The following CTNNA2 variants were observed in gnomAD, a reference collection of about 807,000 sequenced individuals.
CTNNA2 encodes the protein catenin alpha 2, also known as catenin alpha-2.
In CTNNA2, 42 loss-of-function variants were observed where a neutral mutation model predicts 101.0. The ratio of observed to expected loss-of-function variants is 0.42; its 90% CI spans 0.32 to 0.54. The LOEUF (loss-of-function observed/expected upper bound fraction) is 0.54, where lower values mean the gene tolerates loss of function less well. CTNNA2 is among the 20% of genes least tolerant of loss of function. CTNNA2 has a pLI of 0.14. For synonymous variants in CTNNA2, 450 were observed against 456.4 expected (o/e 0.99, Z 0.18); for missense variants, 871 against 1,223.1 (o/e 0.71, Z 4.29).
At chr2:80,171,164 A>G (rs1265788969) in intron 7 of CTNNA2, among the ~76,000 whole-genome samples, 4 of 152,218 alleles carry the variant, frequency 2.6e-5, no homozygotes, top group Non-Finnish European at 4.4e-5. Context: ...GTGCATATAC[A>G]TGGATGGAAT....
chr2:79,792,324 C>G (rs1248000444), intron 3 of CTNNA2, among the ~76,000 whole-genome samples: 2 of 152,180 alleles, frequency 1.3e-5, no homozygotes, highest in African/African-American at 2.4e-5. Flanking sequence ...GAGCAGAGGA[C>G]AGACATGTTT....
At chr2:80,289,082 C>T (rs1675014687) in intron 7 of CTNNA2, 2 of 152,148 alleles carry the variant, frequency 1.3e-5, no homozygotes, top group Admixed American at 1.3e-4. Context: ...GGATTTCTTT[C>T]CCACCTTCTT....
At chr2:80,064,082 GAAAAC>G (rs1048225345) in intron 7 of CTNNA2, among the ~76,000 whole-genome samples, 1 of 152,148 alleles carries the variant, frequency 6.6e-6, no homozygotes. Flanking sequence ...AGAGGGAGAA[GAAAAC>G]AAAACAAAAC....
intron 7 of CTNNA2, among the ~76,000 whole-genome samples, chr2:80,112,562 CTATT>C (rs1701284827): frequency 6.6e-6 from 1 of 152,082 alleles, no homozygotes; most frequent in Non-Finnish European, 1.5e-5. Context: ...CTCTGACAAA[CTATT>C]TAAGCCATCA....
intron 7 of CTNNA2, among the ~76,000 whole-genome samples, chr2:80,064,001 T>A (rs148409898): frequency 2.2e-4 from 34 of 152,260 alleles, no homozygotes; most frequent in African/African-American, 8.2e-4. Context: ...AAGAGAAAGA[T>A]GTTCAGATTA....
At chr2:79,917,391 T>C (rs1686325891) in intron 7 of CTNNA2, among the ~76,000 whole-genome samples, 1 of 152,170 alleles carries the variant, frequency 6.6e-6, no homozygotes, top group African/African-American at 2.4e-5. Context: ...TTAATTGGTA[T>C]TTCTTGCTCA....
intron 2 of CTNNA2, among the ~76,000 whole-genome samples, chr2:79,288,577 C>T (rs926477752): frequency 6.6e-6 from 1 of 152,034 alleles, no homozygotes; most frequent in Admixed American, 6.6e-5. Context: ...TCTCTCTCTC[C>T]CTCTCTCTTT....
chr2:79,659,593 A>G (rs1455363176), intron 2 of CTNNA2, among the ~76,000 whole-genome samples: 2 of 152,186 alleles, frequency 1.3e-5, no homozygotes, highest in Non-Finnish European at 2.9e-5. Flanking sequence ...ATTTCCAAGT[A>G]TATTTTCCCA....
intron 3 of CTNNA2, among the ~76,000 whole-genome samples, chr2:79,811,372 G>T (rs908221396): frequency 6.6e-6 from 1 of 152,132 alleles, no homozygotes; most frequent in African/African-American, 2.4e-5. Flanking sequence ...TTTTGATGGG[G>T]TTGTTTGTTT....
intron 7 of CTNNA2, among the ~76,000 whole-genome samples, chr2:80,323,302 C>A (rs763510068): frequency 6.6e-6 from 1 of 152,172 alleles, no homozygotes; most frequent in Non-Finnish European, 1.5e-5. Flanking sequence ...CGTTTTGAGG[C>A]GGTCTCCCTA....
In CTNNA2 at chr2:80,330,381, C is replaced by T. The variant is rs147340228; in HGVS notation, c.1057-62830C>T. Reference sequence around the variant, plus strand: ...TAACTTGTACTTAGCTAAGAGACTACTTCTAGTGGGAGAGATTAAGCCCTG... The same window carrying T: ...TAACTTGTACTTAGCTAAGAGACTATTTCTAGTGGGAGAGATTAAGCCCTG... On this transcript the variant is annotated intron_variant, in intron 7 of 18. Transcript: ENST00000402739. 2.7e-3 allele frequency among the ~76,000 whole-genome samples: 408 copies of T among 152,280 alleles called. 2 individuals carry two copies. The highest frequency in any genetic ancestry group is 9.2e-3 in the African/African-American group (381 of 41,562).
At chr2:79,292,222 A>AC (rs1675840509) in intron 2 of CTNNA2, among the ~76,000 whole-genome samples, 1 of 152,126 alleles carries the variant, frequency 6.6e-6, no homozygotes, top group Non-Finnish European at 1.5e-5. Flanking sequence ...CATTTCTCCT[A>AC]CCCAAGGAAG....
intron 17 of CTNNA2, among the ~76,000 whole-genome samples, chr2:80,612,572 A>G (rs541018415): frequency 1.5e-4 from 22 of 151,610 alleles, no homozygotes; most frequent in Non-Finnish European, 2.5e-4. Flanking sequence ...TGTGGGATAT[A>G]TTTTGTACAA....
chr2:80,610,226 G>C (rs1698344966), intron 17 of CTNNA2, among the ~76,000 whole-genome samples: 1 of 151,612 alleles, frequency 6.6e-6, no homozygotes, highest in African/African-American at 2.4e-5. Flanking sequence ...ATAGTCTGCT[G>C]TCTTTGCCAA....
intron 4 of CTNNA2, among the ~76,000 whole-genome samples, chr2:79,435,791 C>T (rs778199376): frequency 2.0e-5 from 3 of 152,086 alleles, no homozygotes; most frequent in Non-Finnish European, 4.4e-5. Flanking sequence ...TTCACTCAGG[C>T]CTTGACTTTT....
chr2:80,223,218 T>C (rs1220578827), intron 7 of CTNNA2, among the ~76,000 whole-genome samples: 2 of 152,206 alleles, frequency 1.3e-5, no homozygotes, highest in African/African-American at 2.4e-5. Flanking sequence ...GTGGTCTTTA[T>C]TTCTGGAACG....
At chr2:79,757,093 T>G (rs1254474677) in intron 3 of CTNNA2, among the ~76,000 whole-genome samples, 2 of 152,204 alleles carry the variant, frequency 1.3e-5, no homozygotes, top group Non-Finnish European at 1.5e-5. Flanking sequence ...AAAACATCTA[T>G]TTATATGGCA....
chr2:80,194,169 A>G (rs1706691521), intron 7 of CTNNA2, among the ~76,000 whole-genome samples: 2 of 152,164 alleles, frequency 1.3e-5, no homozygotes, highest in South Asian at 4.1e-4. Flanking sequence ...ACCGCTTTGT[A>G]GCTGTATTTA....
At chr2:80,207,221 T>C (rs1182027257) in intron 7 of CTNNA2, among the ~76,000 whole-genome samples, 1 of 152,226 alleles carries the variant, frequency 6.6e-6, no homozygotes, top group Non-Finnish European at 1.5e-5. Flanking sequence ...GAACAAAGAT[T>C]AATTACAGAT....
Sources: gnomAD v4.1 joint callset for allele counts (sites outside exome capture counted in the v4.1 genomes callset) on GRCh38, gnomAD v4.1.1 for gene constraint, MANE v1.5 for transcripts, NCBI Gene and HGNC (gene_info 2026-07-23, HGNC 2026-07-21) for gene names.